Variants in CERK observed in about 807,000 individuals in gnomAD.
The protein encoded by CERK is ceramide kinase, also known as acylsphingosine kinase.
In CERK, 39 loss-of-function variants were observed where a neutral mutation model predicts 63.4. The ratio of observed to expected loss-of-function variants is 0.61; its 90% CI spans 0.48 to 0.80. The LOEUF is 0.80. Among genes scored for constraint, CERK ranks in the 30% least tolerant of loss-of-function variants. The pLI, the probability that CERK is intolerant of heterozygous loss-of-function variation, is 0.00. For missense variants in CERK, 670 were observed against 714.1 expected, an observed-to-expected ratio of 0.94 and a Z score of 0.70; for synonymous variants, 302 against 280.0, an observed-to-expected ratio of 1.08 and a Z score of -0.78.
At chr22:46,701,423 C>T (rs534607986) in intron 7 of CERK, among the ~76,000 whole-genome samples, 2 of 152,376 alleles carry the variant, frequency 1.3e-5, no homozygotes, top group South Asian at 2.1e-4. Context: ...CCACACTGGG[C>T]GTGCCCCCAG....
At chr22:46,712,656 G>A (rs1191704678) in intron 3 of CERK, among the ~76,000 whole-genome samples, 1 of 152,146 alleles carries the variant, frequency 6.6e-6, no homozygotes, top group Non-Finnish European at 1.5e-5. Context: ...CAGACAGCAG[G>A]AAGAAGGAAG....
At chr22:46,713,662 C>G (rs533728392) in intron 3 of CERK, among the ~76,000 whole-genome samples, 1 of 151,908 alleles carries the variant, frequency 6.6e-6, no homozygotes, top group African/African-American at 2.4e-5. Context: ...ACGGAGCATC[C>G]TTCAGTCATG....
At chr22:46,712,986 A>G (rs1467653338) in intron 3 of CERK, among the ~76,000 whole-genome samples, 1 of 151,558 alleles carries the variant, frequency 6.6e-6, no homozygotes, top group African/African-American at 2.4e-5. Flanking sequence ...CTGGGACTAC[A>G]GGCGCCCGCC....
intron 1 of CERK, among the ~76,000 whole-genome samples, chr22:46,737,310 A>C (rs1156356055): frequency 5.3e-5 from 8 of 151,704 alleles, no homozygotes; most frequent in African/African-American, 1.9e-4. Context: ...AAAAAAACAA[A>C]AAACAAACAA....
intron 5 of CERK, among the ~76,000 whole-genome samples, chr22:46,710,759 C>T (rs943081898): frequency 3.9e-5 from 6 of 152,170 alleles, no homozygotes; most frequent in African/African-American, 1.4e-4. Context: ...ACTGTAAAAA[C>T]GACAGCATCT....
intron 3 of CERK, among the ~76,000 whole-genome samples, chr22:46,717,843 G>A (rs2082873501): frequency 6.6e-6 from 1 of 152,220 alleles, no homozygotes; most frequent in East Asian, 1.9e-4. Flanking sequence ...CACTTTGGGA[G>A]GCCGAGGTAG....
intron 3 of CERK, among the ~76,000 whole-genome samples, chr22:46,719,173 T>TGTGTGTGTG (rs2082880243): frequency 6.6e-6 from 1 of 150,976 alleles, no homozygotes; most frequent in Non-Finnish European, 1.5e-5. Flanking sequence ...TGTGTGTGTG[T>TGTGTGTGTG]CTACCATATG....
rs61659799 is a variant in CERK, at chr22:46,715,300, C to G, written c.380-3007G>C. On this transcript the variant is annotated intron_variant, in intron 3 of 12. Transcript: ENST00000216264. ...GAGAAGAATTAAAATGGAAGAAACA[C>G]AACTGTTATTATGCACAGCTGACAT... Among the ~76,000 whole-genome samples the G allele has an allele frequency of 6.9e-3, 1,051 of 152,210 alleles. 12 individuals are homozygous for G. The highest frequency in any genetic ancestry group is 0.024 in the African/African-American group (1,001 of 41,532).
chr22:46,705,134 G>C lies in CERK; in HGVS notation c.715+2709C>G, dbSNP rs187735569. On this transcript the variant is annotated intron_variant, in intron 6 of 12. Transcript: ENST00000216264. ...GTGGCCTTTATGGGAGAATTAAGTG[G>C]GCCCAGAGACTCCACGTCAAGGGAT... 1.2e-3 allele frequency among the ~76,000 whole-genome samples: 186 copies of C among 152,356 alleles called. 1 individual carries two copies. The highest frequency in any genetic ancestry group is 1.8e-3 in the Non-Finnish European group (120 of 68,038).
At chr22:46,737,708 C>T (rs2082982069) in intron 1 of CERK, among the ~76,000 whole-genome samples, 1 of 152,172 alleles carries the variant, frequency 6.6e-6, no homozygotes, top group Non-Finnish European at 1.5e-5. Flanking sequence ...CAGACCGCAC[C>T]GGGGGCCACG....
rs201897268 is a variant in CERK at position 46,712,257 on chromosome 22, G to A, written c.416C>T (p.Pro139Leu). Residue 139 changes from proline to leucine, a missense_variant, in exon 4 of 13, where the codon CCG (proline) becomes CTG (leucine). By Grantham distance (98) the Pro-to-Leu change is moderately conservative (BLOSUM62 -3). Transcript: ENST00000216264. Reference sequence around the variant, plus strand: ...CTTGCCTTGTCCTTTTCCTCCAAACGGGTTGATAAATACCAGTAAATGCTT... The same window carrying A: ...CTTGCCTTGTCCTTTTCCTCCAAACAGGTTGATAAATACCAGTAAATGCTT... ...RPKHLLVFIN[P>L]FGGKGQGKRI... 114 of 1,613,884 alleles carry A rather than the reference G, an allele frequency of 7.1e-5. No individual in the cohort carries two copies. The highest frequency in any genetic ancestry group is 3.0e-5 in the Non-Finnish European group (35 of 1,179,818).
intron 1 of CERK, among the ~76,000 whole-genome samples, chr22:46,731,899 T>G (rs1316628031): frequency 6.6e-6 from 1 of 151,596 alleles, no homozygotes; most frequent in Non-Finnish European, 1.5e-5. Flanking sequence ...GAGAAGGGAT[T>G]AGTGACCCTC....
At chr22:46,701,574 A>C in intron 7 of CERK, 62 bp downstream of exon 7, 19 of 1,393,430 alleles carry the variant, frequency 1.4e-5, no homozygotes, top group Admixed American at 2.0e-5. Context: ...CCAGAGTGGG[A>C]CAGGCCTGGG....
intron 7 of CERK, 48 bp from the exon 8 acceptor site, chr22:46,699,513 G>T (rs547617944): frequency 1.8e-5 from 29 of 1,591,298 alleles, no homozygotes; most frequent in Non-Finnish European, 2.5e-5. Flanking sequence ...CTCCAGCCCC[G>T]CCCCATCCAC....
intron 1 of CERK, among the ~76,000 whole-genome samples, chr22:46,727,835 C>G (rs58990564): frequency 2.8e-4 from 43 of 151,974 alleles, no homozygotes; most frequent in African/African-American, 6.0e-4. Context: ...CCAGCCACCC[C>G]CCCCGGCCCT....
intron 5 of CERK, among the ~76,000 whole-genome samples, chr22:46,710,688 G>C (rs1207829849): frequency 6.6e-6 from 1 of 152,152 alleles, no homozygotes; most frequent in Non-Finnish European, 1.5e-5. Flanking sequence ...CCATGATATG[G>C]GCATTAAAAA....
intron 5 of CERK, among the ~76,000 whole-genome samples, chr22:46,710,364 G>C (rs1007510792): frequency 6.6e-6 from 1 of 151,518 alleles, no homozygotes; most frequent in Non-Finnish European, 1.5e-5. Flanking sequence ...GACTTGGGAG[G>C]CCGAAGCTGC....
intron 6 of CERK, among the ~76,000 whole-genome samples, chr22:46,703,836 C>T (rs1385353773): frequency 1.3e-5 from 2 of 152,128 alleles, no homozygotes; most frequent in East Asian, 3.9e-4. Context: ...TCGGCATCTC[C>T]CTCGGGCCCT....
intron 6 of CERK, among the ~76,000 whole-genome samples, chr22:46,706,253 A>G (rs1333724937): frequency 6.6e-6 from 1 of 152,158 alleles, no homozygotes. Flanking sequence ...GAAGACAGAC[A>G]TCAGCCAAGG....
Sources: gnomAD v4.1 joint callset for allele counts (sites outside exome capture counted in the v4.1 genomes callset) on GRCh38, gnomAD v4.1.1 for gene constraint, MANE v1.5 for transcripts, NCBI Gene and HGNC (gene_info 2026-07-23, HGNC 2026-07-21) for gene names.